Variants in TRPM7 observed in about 807,000 individuals in gnomAD.
TRPM7 encodes the protein transient receptor potential cation channel subfamily M member 7.
Under a neutral mutation model 229.7 loss-of-function variants are expected in TRPM7, and 134 were observed. The observed-to-expected ratio is 0.58, with a 90% CI of 0.51 to 0.67. The LOEUF (loss-of-function observed/expected upper bound fraction) is 0.67, where lower values mean the gene tolerates loss of function less well. TRPM7 is among the 30% of genes least tolerant of loss of function. The pLI, the probability that TRPM7 is intolerant of heterozygous loss-of-function variation, is 0.00. For synonymous variants in TRPM7, 699 were observed against 715.2 expected, an observed-to-expected ratio of 0.98 and a Z score of 0.36; for missense variants, 1,901 against 2,210.0, an observed-to-expected ratio of 0.86 and a Z score of 2.80.
Position 50,567,864 on chromosome 15 carries a change from G to A in TRPM7, c.5467+2023C>T, listed in dbSNP as rs183316162. 3.3e-3 allele frequency among the ~76,000 whole-genome samples: 503 copies of A among 151,992 alleles called. 3 individuals are homozygous for A. The highest frequency in any genetic ancestry group is 0.012 in the African/African-American group (481 of 41,486). ...AGCACTTTGGGAGGCCGAGGCAGGCGGATCACAAGGTCAGGAGATCGAGAC... is the reference window on the plus strand; with the variant it reads ...AGCACTTTGGGAGGCCGAGGCAGGCAGATCACAAGGTCAGGAGATCGAGAC... On this transcript the variant is annotated intron_variant, in intron 38 of 38. Transcript: ENST00000646667.
intron 1 of TRPM7, among the ~76,000 whole-genome samples, chr15:50,681,341 T>G (rs367905354): frequency 2.0e-5 from 3 of 151,718 alleles, no homozygotes; most frequent in Non-Finnish European, 4.4e-5. Flanking sequence ...CATTAGCTAA[T>G]GCAAAAATGT....
chr15:50,651,569 G>C (rs1409533148), intron 3 of TRPM7, among the ~76,000 whole-genome samples: 4 of 152,180 alleles, frequency 2.6e-5, no homozygotes, highest in Non-Finnish European at 5.9e-5. Flanking sequence ...GGCCGAGGCA[G>C]GTGGATTGCT....
At chr15:50,655,437 G>GAAAAAAA (rs199686585) in intron 3 of TRPM7, among the ~76,000 whole-genome samples, 43 of 89,112 alleles carry the variant, frequency 4.8e-4, no homozygotes, top group Non-Finnish European at 5.6e-4. Flanking sequence ...CATCTCAAAG[G>GAAAAAAA]AAAAAAAAAA....
In TRPM7 at chr15:50,619,733, A is replaced by T; in HGVS notation, c.1494+12T>A. 1.3e-6 allele frequency: 2 copies of T among 1,559,398 alleles called. No individual in the cohort carries two copies. Among genetic ancestry groups the T allele is most frequent in the Middle Eastern group, 3.4e-4 (2 of 5,870 alleles). ...AAATAACATTTTTCAAAAGCAAAAA[A>T]TAATCTCTTACCTGTTTGACGTCTC... On this transcript the variant is annotated intron_variant, in intron 13 of 38. Coordinates refer to ENST00000646667, the MANE Select transcript of TRPM7 (RefSeq NM_017672.6).
At chr15:50,657,949 G>T in intron 2 of TRPM7, 130 bp from the exon 3 acceptor site, 3 of 590,972 alleles carry the variant, frequency 5.1e-6, no homozygotes, top group South Asian at 2.5e-5. Context: ...AGATATTATA[G>T]TTCACGTATA....
rs568820105 is a variant in TRPM7 at position 50,648,484 on chromosome 15, T to C, written c.321+203A>G. On this transcript the variant is annotated intron_variant, in intron 4 of 38. Transcript: ENST00000646667. ...AAAAAGCAAACCATGTCAAGAAAAA[T>C]GACAAGAAACAAAACACATTTTATA... Among the ~76,000 whole-genome samples the C allele has an allele frequency of 4.3e-4, 66 of 151,916 alleles. 1 individual carries two copies. In the South Asian group the frequency reaches 0.013, roughly 31 times the overall value.
intron 8 of TRPM7, among the ~76,000 whole-genome samples, chr15:50,633,660 T>G (rs1034469913): frequency 6.6e-6 from 1 of 152,214 alleles, no homozygotes; most frequent in Non-Finnish European, 1.5e-5. Flanking sequence ...CTATAAACCA[T>G]TTCTTTGTAT....
chr15:50,581,080 G>A (rs980635052), intron 29 of TRPM7, among the ~76,000 whole-genome samples, 172 bp from the exon 30 acceptor site: 1 of 152,076 alleles, frequency 6.6e-6, no homozygotes, highest in East Asian at 1.9e-4. Context: ...TGTATTTACT[G>A]TAAATGTAAC....
chr15:50,638,021 A>G (rs1005794437), intron 6 of TRPM7, among the ~76,000 whole-genome samples: 1 of 152,144 alleles, frequency 6.6e-6, no homozygotes, highest in African/African-American at 2.4e-5. Flanking sequence ...GTTCAAGACC[A>G]GCCTGGCCAA....
At chr15:50,678,782 C>T (rs1227883396) in intron 1 of TRPM7, among the ~76,000 whole-genome samples, 2 of 152,122 alleles carry the variant, frequency 1.3e-5, no homozygotes, top group Non-Finnish European at 2.9e-5. Flanking sequence ...GTAACCCCAA[C>T]ACTTTGGGAG....
intron 7 of TRPM7, among the ~76,000 whole-genome samples, chr15:50,635,793 A>G (rs1214915365): frequency 1.3e-5 from 2 of 151,730 alleles, no homozygotes; most frequent in African/African-American, 2.4e-5. Flanking sequence ...CCTGGCCAAC[A>G]TAGTGAAACC....
intron 28 of TRPM7, among the ~76,000 whole-genome samples, chr15:50,584,429 T>G (rs542292007): frequency 1.7e-4 from 26 of 152,154 alleles, no homozygotes; most frequent in African/African-American, 5.5e-4. Flanking sequence ...TGAACAGGTG[T>G]GTGTGTGTAT....
chr15:50,575,290 G>A (rs566132416), intron 33 of TRPM7, among the ~76,000 whole-genome samples, 155 bp from the exon 34 acceptor site: 1 of 152,304 alleles, frequency 6.6e-6, no homozygotes, highest in Admixed American at 6.5e-5. Flanking sequence ...CAATAGGTAA[G>A]AAATCAAGGA....
At chr15:50,656,305 G>GT (rs569086061) in intron 3 of TRPM7, among the ~76,000 whole-genome samples, 34 of 149,916 alleles carry the variant, frequency 2.3e-4, no homozygotes, top group Admixed American at 1.3e-3. Context: ...CTTTTTGTTT[G>GT]TTTTTTTTTC....
chr15:50,561,351 T>A lies in TRPM7; in HGVS notation c.*327A>T. ...TGCATGGACACCTACCTTTGGTTAA[T>A]GGTATTGTACCACATAAGAGAGAGC... is the stretch of plus-strand genomic sequence containing the variant. On this transcript the variant is annotated 3_prime_UTR_variant, in exon 39 of 39. Transcript: ENST00000646667. 1 of 197,054 alleles carries A rather than the reference T, an allele frequency of 5.1e-6. No homozygotes were observed. Among genetic ancestry groups the A allele is most frequent in the South Asian group, 1.7e-4 (1 of 5,802 alleles). The allele number at this position is 197,054 out of a possible 1,614,324, so 12.2% of individuals were successfully genotyped here.
intron 12 of TRPM7, among the ~76,000 whole-genome samples, chr15:50,622,112 T>A (rs1463961754): frequency 1.3e-5 from 2 of 152,190 alleles, no homozygotes; most frequent in Non-Finnish European, 2.9e-5. Context: ...CAAATATTTA[T>A]GTTAATATGG....
Position 50,574,410 on chromosome 15 carries a change from A to G in TRPM7, c.5172T>C (p.Thr1724=). ...GQWFAVEECM[T]GEFRKYNNNN... Reference sequence around the variant, plus strand: ...TATTGTTGTATTTTCTAAATTCTCCAGTCATACATTCTTCCACAGCAAACC... The same window carrying G: ...TATTGTTGTATTTTCTAAATTCTCCGGTCATACATTCTTCCACAGCAAACC... Residue 1724 remains threonine (T), a synonymous_variant, in exon 36 of 39, where the codon ACT becomes ACC. Transcript: ENST00000646667. 1.2e-6 allele frequency: 2 copies of G among 1,613,988 alleles called. No individual in the cohort carries two copies. Among genetic ancestry groups the G allele is most frequent in the East Asian group, 4.5e-5 (2 of 44,852 alleles).
chr15:50,685,180 T>G (rs1405218133), intron 1 of TRPM7, among the ~76,000 whole-genome samples: 5 of 152,240 alleles, frequency 3.3e-5, no homozygotes, highest in Non-Finnish European at 7.3e-5. Context: ...TCTCCCATGT[T>G]GGCCTGGCGC....
intron 7 of TRPM7, among the ~76,000 whole-genome samples, chr15:50,637,041 G>C (rs542801924): frequency 1.1e-3 from 162 of 151,996 alleles, no homozygotes; most frequent in Non-Finnish European, 2.0e-3. Flanking sequence ...CAGAAGAATG[G>C]TGTGAACCCA....
Sources: allele counts gnomAD v4.1 joint callset (sites outside exome capture counted in the v4.1 genomes callset), GRCh38; gene constraint gnomAD v4.1.1; transcripts MANE v1.5; gene names NCBI Gene and HGNC (gene_info 2026-07-23, HGNC 2026-07-21).